Variants in DMD observed in about 807,000 individuals in gnomAD.
DMD encodes the protein mutant dystrophin.
DMD carries 63 observed loss-of-function variants against 330.1 expected under a neutral mutation model. The observed-to-expected ratio is 0.19, with a 90% CI of 0.16 to 0.24. The LOEUF is 0.24. Ranked by LOEUF, DMD falls within the 10% of genes least tolerant of loss-of-function variation. DMD has a pLI of 1.00. For synonymous variants in DMD, 1,223 were observed against 959.8 expected, an observed-to-expected ratio of 1.27 and a Z score of -5.07; for missense variants, 3,344 against 2,684.1, an observed-to-expected ratio of 1.25 and a Z score of -5.43.
intron 51 of DMD, among the ~76,000 whole-genome samples, chrX:31,750,199 T>G (rs1388152079): frequency 1.8e-5 from 2 of 109,689 alleles, no homozygotes; most frequent in South Asian, 4.0e-4. Context: ...TTTTGGTGTT[T>G]TAGACATGAA....
rs191421060 is a variant in DMD at position 31,234,373 on chromosome X, C to A, written c.9287-11252G>T. Among the ~76,000 whole-genome samples the A allele has an allele frequency of 2.0e-3, 229 of 112,574 alleles. 1 individual carries two copies. Among genetic ancestry groups the A allele is most frequent in the South Asian group, 9.1e-3 (25 of 2,733 alleles). On this transcript the variant is annotated intron_variant, in intron 63 of 78. Coordinates refer to ENST00000357033, the MANE Select transcript of DMD (RefSeq NM_004006.3). The stretch of plus-strand genomic sequence containing the variant: ...TCCCAAAACTTTCCAGCGATTAATT[C>A]TTTGGACTCCACCTTTTACTAATGC...
At chrX:31,540,931 A>G (rs2073765025) in intron 55 of DMD, among the ~76,000 whole-genome samples, 1 of 112,573 alleles carries the variant, frequency 8.9e-6, no homozygotes, top group African/African-American at 3.2e-5. Context: ...AGTAAGAGGA[A>G]TATCATTTGG....
At position 33,285,309 on chromosome X, in the gene DMD, T is replaced by TTGTGTGTGTG. The variant is rs35975571; in HGVS notation, c.7+53940_7+53949dup. ...TTCAAAAAGTTTAATACGAATTCAT[T>TTGTGTGTGTG]TGTGTGTGTGTGTGTGTGTGTTATA... On this transcript the variant is annotated intron_variant, in intron 1 of 17. Coordinates refer to the DMD transcript ENST00000288447. 6.6e-5 allele frequency among the ~76,000 whole-genome samples: 7 copies of TTGTGTGTGTG among 106,750 alleles called. No individual in the cohort carries two copies. The East Asian group carries it at 2.0e-3, about 31-fold the overall frequency. 92.7% of individuals were successfully genotyped at this position (106,750 alleles called of 115,157 possible). A position where few individuals can be genotyped will look rare whatever the true frequency, so the allele number is the denominator to read the frequency against.
intron 7 of DMD, among the ~76,000 whole-genome samples, chrX:32,755,313 A>G (rs1003877586): frequency 1.1e-5 from 1 of 87,524 alleles, no homozygotes; most frequent in African/African-American, 5.4e-5. Flanking sequence ...GTCTTCAGAC[A>G]AGGAAAAAAA....
chrX:32,490,393 T>C (rs892964779), intron 20 of DMD, among the ~76,000 whole-genome samples: 19 of 111,197 alleles, frequency 1.7e-4, no homozygotes, highest in African/African-American at 5.9e-4. Context: ...AATCCTTTCA[T>C]CTCTTTCTCA....
intron 63 of DMD, among the ~76,000 whole-genome samples, chrX:31,243,698 T>C (rs1023271844): frequency 8.9e-6 from 1 of 112,795 alleles, no homozygotes; most frequent in Non-Finnish European, 1.9e-5. Context: ...CATGGTTAGA[T>C]TGGCACTTTG....
At chrX:32,714,670 G>A (rs971941670) in intron 7 of DMD, among the ~76,000 whole-genome samples, 2 of 111,544 alleles carry the variant, frequency 1.8e-5, no homozygotes, top group Non-Finnish European at 3.8e-5. Context: ...GGGAGAACTA[G>A]CATTTTCATC....
At chrX:32,935,474 A>C (rs1602048330) in intron 2 of DMD, among the ~76,000 whole-genome samples, 1 of 111,946 alleles carries the variant, frequency 8.9e-6, no homozygotes, top group East Asian at 2.8e-4. Flanking sequence ...TGATTTTCTC[A>C]TATTCTTACA....
intron 76 of DMD, among the ~76,000 whole-genome samples, chrX:31,142,131 G>T (rs900629621): frequency 8.0e-5 from 9 of 111,829 alleles, no homozygotes; most frequent in African/African-American, 2.9e-4. Context: ...GTAAAATATC[G>T]CTATGAAGAA....
chrX:32,048,369 C>T (rs2096078834), intron 44 of DMD, among the ~76,000 whole-genome samples: 1 of 104,750 alleles, frequency 9.5e-6, no homozygotes, highest in Non-Finnish European at 2.0e-5. Flanking sequence ...TCTCTTGACA[C>T]ATATCATAAG....
At chrX:32,859,742 G>C (rs1258617914) in intron 2 of DMD, among the ~76,000 whole-genome samples, 3 of 110,587 alleles carry the variant, frequency 2.7e-5, no homozygotes, top group Non-Finnish European at 5.7e-5. Context: ...GTATTCTTTT[G>C]TTGTTCTCCC....
chrX:32,226,491 T>C (rs2097148093), intron 43 of DMD, among the ~76,000 whole-genome samples: 1 of 112,175 alleles, frequency 8.9e-6, no homozygotes. Flanking sequence ...GTACACTATG[T>C]ACCTCTTAGA....
chrX:33,322,828 T>C (rs989893571), intron 1 of DMD, among the ~76,000 whole-genome samples: 1 of 112,029 alleles, frequency 8.9e-6, no homozygotes, highest in East Asian at 2.8e-4. Flanking sequence ...GATGTAAATA[T>C]GATAGTTGAA....
intron 55 of DMD, among the ~76,000 whole-genome samples, chrX:31,604,997 T>A (rs1488114429): frequency 8.9e-6 from 1 of 112,183 alleles, no homozygotes; most frequent in African/African-American, 3.2e-5. Context: ...AATGAATACA[T>A]TGCTTATTAC....
chrX:31,657,659 C>T lies in DMD; in HGVS notation c.8027+331G>A, dbSNP rs761185907. ...ATCAGATAACAGGTAAGGCAGTGTGCGCCATGATGAGATAGAAAGATATTC... is the reference window on the plus strand; with the variant it reads ...ATCAGATAACAGGTAAGGCAGTGTGTGCCATGATGAGATAGAAAGATATTC... On this transcript the variant is annotated intron_variant, in intron 54 of 78. Transcript: ENST00000357033. 8.0e-4 allele frequency among the ~76,000 whole-genome samples: 90 copies of T among 111,849 alleles called. 1 individual carries two copies. Among genetic ancestry groups the T allele is most frequent in the African/African-American group, 2.5e-3 (76 of 30,837 alleles).
At chrX:31,364,943 A>G (rs2059149728) in intron 60 of DMD, among the ~76,000 whole-genome samples, 2 of 109,658 alleles carry the variant, frequency 1.8e-5, no homozygotes, top group Admixed American at 2.0e-4. Context: ...AAAATACAAA[A>G]AATTAGCCAG....
intron 44 of DMD, among the ~76,000 whole-genome samples, chrX:32,153,860 C>T (rs907308843): frequency 1.9e-4 from 21 of 112,256 alleles, no homozygotes; most frequent in African/African-American, 5.5e-4. Flanking sequence ...AAAGCCCTCA[C>T]GCTGCCTCCA....
chrX:32,678,813 T>G (rs937704843), intron 9 of DMD, among the ~76,000 whole-genome samples: 3 of 111,861 alleles, frequency 2.7e-5, no homozygotes, highest in Non-Finnish European at 5.6e-5. Flanking sequence ...CTGTGAATAA[T>G]TCTAATAAAT....
At chrX:32,721,803 G>T (rs1175825496) in intron 7 of DMD, among the ~76,000 whole-genome samples, 3 of 110,167 alleles carry the variant, frequency 2.7e-5, no homozygotes, top group Admixed American at 9.8e-5. Context: ...TTTTCTTCTA[G>T]GAGTCTTATG....
Sources: gnomAD v4.1 joint callset for allele counts (sites outside exome capture counted in the v4.1 genomes callset) on GRCh38, gnomAD v4.1.1 for gene constraint, MANE v1.5 for transcripts, NCBI Gene and HGNC (gene_info 2026-07-23, HGNC 2026-07-21) for gene names.